The following RNF144A variants were observed in gnomAD, a reference collection of about 807,000 sequenced individuals.
The protein encoded by RNF144A is ring finger protein 144A.
In RNF144A, 11 loss-of-function variants were observed where a neutral mutation model predicts 38.7. The observed-to-expected ratio is 0.28, with a 90% CI of 0.18 to 0.47. RNF144A has a LOEUF of 0.47. Ranked by LOEUF, RNF144A falls within the 20% of genes least tolerant of loss-of-function variation. The pLI is 0.99. For synonymous variants in RNF144A, 149 were observed against 143.9 expected, an observed-to-expected ratio of 1.04 and a Z score of -0.25; for missense variants, 316 against 377.2, an observed-to-expected ratio of 0.84 and a Z score of 1.34.
intron 7 of RNF144A, 99 bp downstream of exon 7, chr2:7,024,615 C>A (rs392709): frequency 4.4e-6 from 6 of 1,354,430 alleles, no homozygotes; most frequent in Middle Eastern, 1.9e-4. Flanking sequence ...AGCTTGGTGC[C>A]TACTCCTGTG....
downstream of RNF144A, among the ~76,000 whole-genome samples, chr2:7,070,170 T>C (rs201007760): frequency 2.8e-5 from 3 of 107,262 alleles, no homozygotes; most frequent in Non-Finnish European, 5.9e-5. Context: ...CTCTCTCTCT[T>C]TATTTTTTAA....
chr2:7,017,302 GTT>G, intron 5 of RNF144A, among the ~76,000 whole-genome samples: 1 of 139,466 alleles, frequency 7.2e-6, no homozygotes, highest in African/African-American at 2.6e-5. Flanking sequence ...ACCGTGTATT[GTT>G]TTTTTTTTTG....
At chr2:6,965,676 C>T (rs115836016) in intron 2 of RNF144A, among the ~76,000 whole-genome samples, 1,547 of 152,142 alleles carry the variant, frequency 0.01, 42 homozygotes, top group African/African-American at 0.035. Context: ...GCATCCGTGA[C>T]GCTGTTTCCC....
At chr2:7,064,538 G>A (rs1366490134) in intron 6 of RNF144A, among the ~76,000 whole-genome samples, 1 of 152,138 alleles carries the variant, frequency 6.6e-6, no homozygotes, top group Non-Finnish European at 1.5e-5. Flanking sequence ...AGTGCCAAAG[G>A]AAAGTTAAGG....
chr2:7,038,137 G>A (rs1431722130), intron 8 of RNF144A, among the ~76,000 whole-genome samples: 1 of 152,224 alleles, frequency 6.6e-6, no homozygotes, highest in Non-Finnish European at 1.5e-5. Context: ...ATCAAAATAC[G>A]TAACAGTCAG....
chr2:7,048,475 A>G (rs758616627), downstream of RNF144A, among the ~76,000 whole-genome samples: 3 of 152,190 alleles, frequency 2.0e-5, no homozygotes, highest in African/African-American at 4.8e-5. Flanking sequence ...CGAGCAGACC[A>G]TGGGGCCCGG....
intron 1 of RNF144A, among the ~76,000 whole-genome samples, chr2:6,933,919 T>G (rs569455472): frequency 2.0e-4 from 30 of 152,346 alleles, no homozygotes; most frequent in African/African-American, 7.2e-4. Context: ...ATTTTCAGTT[T>G]TTGCTGTTGT....
chr2:6,918,592 C>T (rs1052387203), intron 1 of RNF144A: 1 of 151,122 alleles, frequency 6.6e-6, no homozygotes, highest in East Asian at 1.9e-4. Flanking sequence ...GTGAAACCCC[C>T]TCTCTACTAA....
At position 7,040,578 on chromosome 2, in the gene RNF144A, T is replaced by C. The variant is rs1311605568; in HGVS notation, c.*818T>C. 2.0e-6 allele frequency: 2 copies of C among 985,340 alleles called. No homozygotes were observed. The highest frequency in any genetic ancestry group is 2.4e-6 in the Non-Finnish European group (2 of 829,926). 61.0% of individuals were successfully genotyped at this position (985,340 alleles called of 1,614,324 possible). ...CAGCTCAGCTCATGGGCCTCATCCC[T>C]TCTCTCCCAGGTAGCAGAAAACGCT... is the stretch of plus-strand genomic sequence containing the variant. On this transcript the variant is annotated 3_prime_UTR_variant, in exon 9 of 9. Transcript: ENST00000320892.
intron 1 of RNF144A, among the ~76,000 whole-genome samples, chr2:6,925,607 C>G (rs76798911): frequency 5.3e-5 from 8 of 152,300 alleles, no homozygotes; most frequent in African/African-American, 1.4e-4. Flanking sequence ...AGGTAAAGGG[C>G]AGGTTCAAGG....
chr2:7,041,774 C>A lies in RNF144A; in HGVS notation c.*2014C>A. ...TGCTCATCCTTCCTGCCTGAAATTG[C>A]TGCTGCCCATCGCATGAGCCCACAC... On this transcript the variant is annotated 3_prime_UTR_variant, in exon 9 of 9. Coordinates refer to ENST00000320892, the MANE Select transcript of RNF144A (RefSeq NM_014746.6). The A allele has an allele frequency of 1.0e-6, 1 of 985,678 alleles. No homozygotes were observed. Among genetic ancestry groups the A allele is most frequent in the Non-Finnish European group, 1.2e-6 (1 of 830,110 alleles). 61.1% of individuals were successfully genotyped at this position (985,678 alleles called of 1,614,324 possible).
intron 2 of RNF144A, among the ~76,000 whole-genome samples, chr2:6,984,620 T>G (rs935543753): frequency 6.6e-6 from 1 of 152,246 alleles, no homozygotes; most frequent in Admixed American, 6.5e-5. Context: ...CTTGAATGAT[T>G]GGAAGGATGT....
At chr2:6,969,401 C>A (rs6730671) in intron 2 of RNF144A, among the ~76,000 whole-genome samples, 1 of 152,194 alleles carries the variant, frequency 6.6e-6, no homozygotes, top group African/African-American at 2.4e-5. Context: ...AAAGAGAAGA[C>A]GGCCACCGAC....
At chr2:6,925,456 C>A (rs1182461335) in intron 1 of RNF144A, among the ~76,000 whole-genome samples, 13 of 152,122 alleles carry the variant, frequency 8.5e-5, no homozygotes, top group Admixed American at 8.5e-4. Flanking sequence ...CTGTCCTCCC[C>A]CTTCCCCCCC....
At chr2:6,947,545 T>C (rs1165037185) in intron 2 of RNF144A, among the ~76,000 whole-genome samples, 1 of 152,194 alleles carries the variant, frequency 6.6e-6, no homozygotes, top group Admixed American at 6.5e-5. Context: ...AATTTAGTGA[T>C]AGGCCAAAAA....
rs1381485523 is a variant in RNF144A at position 6,958,163 on chromosome 2, GTC to G, written c.-12+17020_-12+17021del. 6.6e-6 allele frequency among the ~76,000 whole-genome samples: 1 copy of G among 152,240 alleles called. No homozygotes were observed. Among genetic ancestry groups the G allele is most frequent in the African/African-American group, 2.4e-5 (1 of 41,454 alleles). On this transcript the variant is annotated intron_variant, in intron 2 of 8. Coordinates refer to ENST00000320892, the MANE Select transcript of RNF144A (RefSeq NM_014746.6). The surrounding 1 kb of genome is among the most constrained non-coding windows in gnomAD (Gnocchi z 4.5). ...GCCACCATGGGGCACCGGGCGTGCT[GTC>G]TCTTCCTGGAAGGTGGAACTTGATC...
At chr2:7,010,035 A>G (rs1172828038) in intron 3 of RNF144A, among the ~76,000 whole-genome samples, 1 of 152,340 alleles carries the variant, frequency 6.6e-6, no homozygotes, top group African/African-American at 2.4e-5. Flanking sequence ...AATAATTAAT[A>G]GTTCTTGTTT....
rs1246855459 is a variant in RNF144A, at chr2:7,040,106, A to G, written c.*346A>G. The G allele has an allele frequency of 2.9e-6, 3 of 1,030,074 alleles. No homozygotes were observed. The highest frequency in any genetic ancestry group is 3.5e-6 in the Non-Finnish European group (3 of 859,216). The allele number at this position is 1,030,074 out of a possible 1,614,324, so 63.8% of individuals were successfully genotyped here. ...AGAGACTTTCTGCTCCTTGGCTTCT[A>G]GATGGCACCATGTTGTCAGAGAAGT... On this transcript the variant is annotated 3_prime_UTR_variant, in exon 9 of 9. Coordinates refer to ENST00000320892, the MANE Select transcript of RNF144A (RefSeq NM_014746.6).
intron 8 of RNF144A, among the ~76,000 whole-genome samples, chr2:7,031,934 C>A (rs1211485304): frequency 6.6e-6 from 1 of 152,254 alleles, no homozygotes; most frequent in Non-Finnish European, 1.5e-5. Flanking sequence ...ACTGTTTACA[C>A]AGGCAGGTGG....
Sources: allele counts gnomAD v4.1 joint callset (sites outside exome capture counted in the v4.1 genomes callset), GRCh38; gene constraint gnomAD v4.1.1; non-coding constraint Gnocchi (gnomAD v3.1); transcripts MANE v1.5; gene names NCBI Gene and HGNC (gene_info 2026-07-23, HGNC 2026-07-21).